GNAL: variants seen among roughly 807,000 people sequenced by gnomAD.
The protein encoded by GNAL is G protein subunit alpha L.
GNAL carries 18 observed loss-of-function variants against 55.1 expected under a neutral mutation model. The ratio of observed to expected loss-of-function variants is 0.33; its 90% confidence interval spans 0.23 to 0.48. The LOEUF (loss-of-function observed/expected upper bound fraction) is 0.48. Among genes scored for constraint, GNAL ranks in the 20% least tolerant of loss-of-function variants. The probability of loss-of-function intolerance (pLI) is 0.99; values close to 1 mark genes in which losing one functional copy is unlikely to be tolerated. For missense variants in GNAL, 412 were observed against 614.1 expected (o/e 0.67, Z 3.48); for synonymous variants, 253 against 237.0 (o/e 1.07, Z -0.62).
intron 4 of GNAL, among the ~76,000 whole-genome samples, chr18:11,796,440 C>T (rs192119692): frequency 6.6e-5 from 10 of 151,930 alleles, no homozygotes; most frequent in Admixed American, 5.2e-4. Flanking sequence ...ATTAGCCAGG[C>T]GTGGTGGCGG....
chr18:11,879,125 AAT>A (rs1567907901), intron 11 of GNAL, among the ~76,000 whole-genome samples: 2 of 149,900 alleles, frequency 1.3e-5, no homozygotes, highest in African/African-American at 2.4e-5. Context: ...ATATATTAAA[AAT>A]ATATATATAT....
At chr18:11,861,466 C>G (rs185837411) in intron 5 of GNAL, among the ~76,000 whole-genome samples, 1 of 152,346 alleles carries the variant, frequency 6.6e-6, no homozygotes, top group Non-Finnish European at 1.5e-5. Flanking sequence ...CAGGCCTGCA[C>G]TAGGTGCTGG....
chr18:11,845,770 AGAG>A (rs1442687490), intron 5 of GNAL, among the ~76,000 whole-genome samples: 4 of 120,820 alleles, frequency 3.3e-5, no homozygotes, highest in African/African-American at 7.9e-5. Flanking sequence ...GGAAGAGAAA[AGAG>A]AGAGAGAGAG....
At chr18:11,757,612 C>G (rs2033101463) in intron 4 of GNAL, among the ~76,000 whole-genome samples, 1 of 152,112 alleles carries the variant, frequency 6.6e-6, no homozygotes, top group African/African-American at 2.4e-5. Context: ...ATAGATCAAT[C>G]AAGAATGACT....
chr18:11,791,504 C>T (rs575626603), intron 4 of GNAL, among the ~76,000 whole-genome samples: 3 of 152,224 alleles, frequency 2.0e-5, no homozygotes, highest in Admixed American at 6.5e-5. Context: ...TGATTTCTCC[C>T]CTGGGTGTTT....
intron 1 of GNAL, among the ~76,000 whole-genome samples, chr18:11,699,852 G>A (rs1567990147): frequency 6.6e-6 from 1 of 152,122 alleles, no homozygotes; most frequent in Non-Finnish European, 1.5e-5. Context: ...CAGCGCTGTG[G>A]ACTCTGGGTG....
intron 5 of GNAL, chr18:11,851,483 G>A: frequency 6.6e-7 from 1 of 1,508,650 alleles, no homozygotes; most frequent in Non-Finnish European, 8.8e-7. Context: ...TTCTCAGCCG[G>A]GCCGCCGACC....
Position 11,881,371 on chromosome 18 carries a change from A to C in GNAL, c.*236A>C. 1 of 443,148 alleles carries C rather than the reference A, an allele frequency of 2.3e-6. No individual in the cohort carries two copies. Among genetic ancestry groups the C allele is most frequent in the Non-Finnish European group, 4.1e-6 (1 of 242,952 alleles). The allele number at this position is 443,148 out of a possible 1,614,324, so 27.5% of individuals were successfully genotyped here. ...CCCAAACCACCGACTCTCATTGCCG[A>C]CACTGCAGCAGAATCTCTCCGGGTG... On this transcript the variant is annotated 3_prime_UTR_variant, in exon 12 of 12. Transcript: ENST00000334049. This position sits in a 1 kb window ranked among gnomAD's most constrained non-coding sequence, Gnocchi z 4.8.
intron 1 of GNAL, among the ~76,000 whole-genome samples, chr18:11,708,994 A>G (rs897116804): frequency 5.3e-5 from 8 of 152,356 alleles, no homozygotes; most frequent in Non-Finnish European, 1.0e-4. Context: ...AGTGTAAGAT[A>G]AAGTTCCAAT....
At chr18:11,875,758 T>A (rs536339775) in intron 10 of GNAL, among the ~76,000 whole-genome samples, 245 of 152,278 alleles carry the variant, frequency 1.6e-3, no homozygotes, top group African/African-American at 5.8e-3. Flanking sequence ...AATTACCCAG[T>A]CTCAGGTATG....
At chr18:11,877,208 CTT>C (rs1331908687) in intron 11 of GNAL, among the ~76,000 whole-genome samples, 1 of 152,216 alleles carries the variant, frequency 6.6e-6, no homozygotes, top group Non-Finnish European at 1.5e-5. Flanking sequence ...CATCCCAGCA[CTT>C]TGGGAGGCTG....
intron 5 of GNAL, among the ~76,000 whole-genome samples, chr18:11,835,988 T>G (rs111300837): frequency 1.3e-5 from 2 of 152,044 alleles, no homozygotes; most frequent in East Asian, 1.9e-4. Flanking sequence ...CTACAAATAA[T>G]TTTTAAAAAT....
intron 5 of GNAL, among the ~76,000 whole-genome samples, chr18:11,855,410 T>C (rs955486696): frequency 1.3e-5 from 2 of 152,244 alleles, no homozygotes; most frequent in African/African-American, 4.8e-5. Context: ...ATTTCTTCCT[T>C]TCATTTTTCC....
intron 4 of GNAL, among the ~76,000 whole-genome samples, chr18:11,790,417 G>A (rs1224451299): frequency 6.6e-6 from 1 of 152,016 alleles, no homozygotes; most frequent in Non-Finnish European, 1.5e-5. Context: ...TTGGGGATGT[G>A]TTGTTTACAA....
intron 9 of GNAL, among the ~76,000 whole-genome samples, chr18:11,871,408 G>A (rs1040031813): frequency 6.6e-5 from 10 of 151,814 alleles, no homozygotes; most frequent in Admixed American, 2.0e-4. Flanking sequence ...GTGCCACCAC[G>A]CCCAGCTACT....
chr18:11,873,797 T>G (rs2036454933), intron 10 of GNAL, among the ~76,000 whole-genome samples: 1 of 152,250 alleles, frequency 6.6e-6, no homozygotes, highest in Non-Finnish European at 1.5e-5. Context: ...ATTCTCCCGC[T>G]AACCGCCTCT....
At position 11,770,783 on chromosome 18, in the gene GNAL, A is replaced by G. The variant is rs373672856; in HGVS notation, c.624+16838A>G. Among the ~76,000 whole-genome samples, 18 of 152,318 alleles carry G rather than the reference A, an allele frequency of 1.2e-4. No homozygotes were observed. The South Asian group carries it at 3.1e-3, about 26-fold the overall frequency. On this transcript the variant is annotated intron_variant, in intron 4 of 11. Coordinates refer to ENST00000334049, the MANE Select transcript of GNAL (RefSeq NM_182978.4). ...TTCTAATACTTTACATATTGAATGA[A>G]GATATATCATTTTAAGGTATTTAGT...
chr18:11,805,108 G>A (rs956469944), intron 4 of GNAL, among the ~76,000 whole-genome samples: 24 of 141,428 alleles, frequency 1.7e-4, no homozygotes, highest in African/African-American at 6.0e-4. Flanking sequence ...GGTGCAATTT[G>A]AGTGGAACAT....
intron 4 of GNAL, among the ~76,000 whole-genome samples, chr18:11,804,145 C>T (rs1231571827): frequency 6.8e-6 from 1 of 148,046 alleles, no homozygotes; most frequent in Non-Finnish European, 1.5e-5. Context: ...AGTACAGGTG[C>T]AGTTTGGATG....
Sources: gnomAD v4.1 joint callset for allele counts (sites outside exome capture counted in the v4.1 genomes callset) on GRCh38, gnomAD v4.1.1 for gene constraint, Gnocchi (gnomAD v3.1) non-coding constraint, MANE v1.5 for transcripts, NCBI Gene and HGNC (gene_info 2026-07-23, HGNC 2026-07-21) for gene names.